ESR1: variants seen among roughly 807,000 people sequenced by gnomAD.
ESR1 encodes estrogen receptor 1.
Under a neutral mutation model 52.7 loss-of-function variants are expected in ESR1, and 12 were observed. The observed-to-expected ratio is 0.23, with a 90% CI of 0.15 to 0.37. ESR1 has a LOEUF of 0.37. ESR1 is among the 10% of genes least tolerant of loss of function. ESR1 has a pLI of 1.00. For missense variants in ESR1, 584 were observed against 779.7 expected (o/e 0.75, Z 2.99); for synonymous variants, 305 against 316.8 (o/e 0.96, Z 0.39).
At chr6:152,103,980 CTTT>C (rs369261779), downstream of ESR1, among the ~76,000 whole-genome samples, 5 of 93,864 alleles carry the variant, frequency 5.3e-5, no homozygotes, top group African/African-American at 2.1e-4. Context: ...TTCATTCTAC[CTTT>C]TTTTTTTTTT....
intron 1 of ESR1, chr6:151,813,307 A>C (rs1360000348): frequency 6.6e-6 from 1 of 152,162 alleles, no homozygotes; most frequent in Non-Finnish European, 1.5e-5. Context: ...ATTTCAAGAA[A>C]CGTGGGCAAA....
intron 2 of ESR1, among the ~76,000 whole-genome samples, chr6:151,854,544 C>G (rs1286272362): frequency 6.6e-6 from 1 of 152,166 alleles, no homozygotes; most frequent in African/African-American, 2.4e-5. Context: ...CACTCGTTCT[C>G]TCTGTTTTCC....
intron 2 of ESR1, among the ~76,000 whole-genome samples, chr6:151,867,996 G>A (rs76262762): frequency 0.026 from 3,869 of 151,492 alleles, 163 homozygotes; most frequent in African/African-American, 0.089. Context: ...TACATATGCA[G>A]GTTTGTTACA....
intron 2 of ESR1, among the ~76,000 whole-genome samples, chr6:151,856,362 C>T (rs183390142): frequency 6.6e-6 from 1 of 152,082 alleles, no homozygotes; most frequent in African/African-American, 2.4e-5. Flanking sequence ...TTGCAACTTT[C>T]TTGATTTTCT....
In ESR1 at chr6:152,108,303, G is replaced by A. The variant is rs185482155; in HGVS notation, c.851-16963G>A. Among the ~76,000 whole-genome samples, 8 of 152,334 alleles carry A rather than the reference G, an allele frequency of 5.3e-5. No individual in the cohort carries two copies. In the East Asian group the frequency reaches 1.5e-3, roughly 29 times the overall value. On this transcript the variant is annotated intron_variant, in intron 6 of 6. Coordinates refer to the ESR1 transcript ENST00000427531. ...TCGGTCCTTCTACCTGCCTTGTTCT[G>A]TTGCTGACCAAACTGGGGGAGGTAA...
chr6:151,689,687 A>G (rs1185155191), upstream of ESR1, among the ~76,000 whole-genome samples: 2 of 152,152 alleles, frequency 1.3e-5, no homozygotes, highest in Non-Finnish European at 2.9e-5. Context: ...ATACAGTAGC[A>G]AGAGGGAGAT....
chr6:151,924,222 T>C (rs760065569), intron 3 of ESR1, among the ~76,000 whole-genome samples: 5 of 152,214 alleles, frequency 3.3e-5, no homozygotes, highest in Admixed American at 6.5e-5. Flanking sequence ...GTTGTATTTT[T>C]AGTAGAGATG....
intron 2 of ESR1, among the ~76,000 whole-genome samples, chr6:151,857,295 T>C (rs115173505): frequency 0.025 from 3,816 of 152,242 alleles, 158 homozygotes; most frequent in African/African-American, 0.088. Context: ...TTATAAATAA[T>C]CTAGAGATGT....
intron 5 of ESR1, among the ~76,000 whole-genome samples, chr6:152,023,535 G>T (rs144649701): frequency 6.6e-6 from 1 of 152,226 alleles, no homozygotes; most frequent in East Asian, 1.9e-4. Flanking sequence ...TAATCACAAT[G>T]CCATTCTCAT....
intron 5 of ESR1, among the ~76,000 whole-genome samples, chr6:152,014,414 G>T (rs181837539): frequency 3.3e-5 from 5 of 152,162 alleles, no homozygotes; most frequent in Admixed American, 2.6e-4. Context: ...AGGTAAAATT[G>T]CCTCTGGTTG....
intron 1 of ESR1, among the ~76,000 whole-genome samples, chr6:151,825,910 C>CAAAAAAA (rs3996305): frequency 3.8e-5 from 3 of 78,096 alleles, no homozygotes; most frequent in African/African-American, 5.0e-5. Flanking sequence ...GACTCCATCT[C>CAAAAAAA]AAAAAAAAAA....
chr6:151,883,040 A>G (rs911550043), intron 3 of ESR1, among the ~76,000 whole-genome samples: 6 of 152,158 alleles, frequency 3.9e-5, no homozygotes, highest in Non-Finnish European at 8.8e-5. Flanking sequence ...GGCTTAAACA[A>G]CGGAAATTAA....
intron 2 of ESR1, among the ~76,000 whole-genome samples, chr6:151,785,345 T>A (rs1786918890): frequency 6.6e-6 from 1 of 152,174 alleles, no homozygotes; most frequent in Admixed American, 6.5e-5. Context: ...AAGGAACCAG[T>A]TCTGCCAAGA....
exon 7 of ESR1, chr6:152,125,373 G>A (rs2053032586): frequency 6.5e-7 from 1 of 1,544,828 alleles, no homozygotes; most frequent in Non-Finnish European, 8.7e-7. Flanking sequence ...AGGCCTCACA[G>A]TATCCTGCAG....
intron 3 of ESR1, among the ~76,000 whole-genome samples, chr6:151,885,622 TG>T (rs1314076890): frequency 6.6e-6 from 1 of 152,184 alleles, no homozygotes; most frequent in African/African-American, 2.4e-5. Flanking sequence ...CCCAGCACTT[TG>T]GGAGGCTGAG....
chr6:151,813,268 A>C (rs1182340777), intron 1 of ESR1: 2 of 152,236 alleles, frequency 1.3e-5, no homozygotes, highest in Non-Finnish European at 2.9e-5. Flanking sequence ...CTCAACTGAC[A>C]CAATTTTATG....
intron 2 of ESR1, among the ~76,000 whole-genome samples, chr6:151,867,489 TCAAAA>T (rs780939552): frequency 6.6e-6 from 1 of 151,618 alleles, no homozygotes; most frequent in African/African-American, 2.4e-5. Flanking sequence ...CAGACAGTTC[TCAAAA>T]GAAGACATTT....
intron 4 of ESR1, among the ~76,000 whole-genome samples, chr6:151,990,118 A>G (rs998796876): frequency 6.6e-6 from 1 of 152,112 alleles, no homozygotes; most frequent in Non-Finnish European, 1.5e-5. Context: ...GTTAATAAAT[A>G]TAAGTTTATT....
intron 1 of ESR1, among the ~76,000 whole-genome samples, chr6:151,810,284 T>TA (rs35187725): frequency 0.02 from 2,991 of 149,952 alleles, 36 homozygotes; most frequent in Middle Eastern, 0.048. Flanking sequence ...ACTTAAAAAT[T>TA]AAAAAAAAAA....
Sources: gnomAD v4.1 joint callset for allele counts (sites outside exome capture counted in the v4.1 genomes callset) on GRCh38, gnomAD v4.1.1 for gene constraint, MANE v1.5 for transcripts, NCBI Gene and HGNC (gene_info 2026-07-23, HGNC 2026-07-21) for gene names.